CRK: variants seen among roughly 807,000 people sequenced by gnomAD.
CRK encodes the protein adapter molecule crk.
Under a neutral mutation model 29.8 loss-of-function variants are expected in CRK, and 4 were observed. That is an observed-to-expected ratio of 0.13 (90% CI 0.07 to 0.31). The LOEUF (loss-of-function observed/expected upper bound fraction) is 0.31, where lower values mean the gene tolerates loss of function less well. Among genes scored for constraint, CRK ranks in the 10% least tolerant of loss-of-function variants. The pLI is 1.00. For synonymous variants in CRK, 153 were observed against 164.9 expected, an observed-to-expected ratio of 0.93 and a Z score of 0.55; for missense variants, 274 against 396.5, an observed-to-expected ratio of 0.69 and a Z score of 2.62.
chr17:1,421,243 T>C lies in CRK; in HGVS notation c.*2270A>G, dbSNP rs2073721503. 1 of 151,916 alleles carries C rather than the reference T, an allele frequency of 6.6e-6. No individual in the cohort carries two copies. The highest frequency in any genetic ancestry group is 1.5e-5 in the Non-Finnish European group (1 of 68,006). The allele number at this position is 151,916 out of a possible 1,614,324, so 9.4% of individuals were successfully genotyped here. A position where few individuals can be genotyped will look rare whatever the true frequency, so the allele number is the denominator to read the frequency against. Reference sequence around the variant, plus strand: ...TGAGTAGCGCTGCCTGTTCCACTGATATTACATATGATGAAAAGAGACATT... The same window carrying C: ...TGAGTAGCGCTGCCTGTTCCACTGACATTACATATGATGAAAAGAGACATT... On this transcript the variant is annotated 3_prime_UTR_variant, in exon 3 of 3. Coordinates refer to ENST00000300574, the MANE Select transcript of CRK (RefSeq NM_016823.4).
At position 1,420,999 on chromosome 17, in the gene CRK, T is replaced by G. The variant is rs1013004051; in HGVS notation, c.*2514A>C. Reference sequence around the variant, plus strand: ...AATTAACCATGTCAAATATTAGTATTCAAAAAATGGGATTTGCAGAAATGA... The same window carrying G: ...AATTAACCATGTCAAATATTAGTATGCAAAAAATGGGATTTGCAGAAATGA... On this transcript the variant is annotated 3_prime_UTR_variant, in exon 3 of 3. Transcript: ENST00000300574. 1 of 152,210 alleles carries G rather than the reference T, an allele frequency of 6.6e-6. No homozygotes were observed. The highest frequency in any genetic ancestry group is 2.4e-5 in the African/African-American group (1 of 41,454). 9.4% of individuals were successfully genotyped at this position (152,210 alleles called of 1,614,324 possible). A position where few individuals can be genotyped will look rare whatever the true frequency, so the allele number is the denominator to read the frequency against.
Position 1,427,072 on chromosome 17 carries a change from A to AAAAAAAAAAAAAAG in CRK, c.778-3423_778-3422insCTTTTTTTTTTTTT, listed in dbSNP as rs778793991. On this transcript the variant is annotated intron_variant, in intron 2 of 2. Transcript: ENST00000300574. ...AAAAAAAAAAAAAAAAAAAAAAAAA[A>AAAAAAAAAAAAAAG]GATTCTGACATGCCCCAGCCAGGCT... Among the ~76,000 whole-genome samples, 17 of 92,074 alleles carry AAAAAAAAAAAAAAG rather than the reference A, an allele frequency of 1.8e-4. 3 individuals are homozygous for AAAAAAAAAAAAAAG. Among genetic ancestry groups the AAAAAAAAAAAAAAG allele is most frequent in the Non-Finnish European group, 2.9e-4 (14 of 47,912 alleles). 60.4% of individuals were successfully genotyped at this position (92,074 alleles called of 152,430 possible).
Position 1,423,745 on chromosome 17 carries a change from C to T in CRK, c.778-95G>A, listed in dbSNP as rs57987021. On this transcript the variant is annotated intron_variant, in intron 2 of 2. Transcript: ENST00000300574. Reference sequence around the variant, plus strand: ...GGTTAGGCACACCCTGCCCATGTGACTGCTCTAGGGATATTACAGAAATGG... The same window carrying T: ...GGTTAGGCACACCCTGCCCATGTGATTGCTCTAGGGATATTACAGAAATGG... 8,503 of 1,504,998 alleles carry T rather than the reference C, an allele frequency of 5.6e-3. 390 individuals are homozygous for T. The African/African-American group carries it at 0.1, about 18-fold the overall frequency. 93.2% of individuals were successfully genotyped at this position (1,504,998 alleles called of 1,614,324 possible).
At chr17:1,431,835 C>G (rs1010810916) in intron 2 of CRK, among the ~76,000 whole-genome samples, 2 of 152,098 alleles carry the variant, frequency 1.3e-5, no homozygotes, top group Non-Finnish European at 2.9e-5. Flanking sequence ...AGTGCTTGCC[C>G]CAGAACTGTT....
intron 1 of CRK, among the ~76,000 whole-genome samples, chr17:1,444,831 C>T (rs1186851256): frequency 1.2e-5 from 1 of 84,172 alleles, no homozygotes; most frequent in Non-Finnish European, 2.3e-5. Context: ...AGAACTCCAT[C>T]TCAAAAGAAA....
rs745777068 is a variant in CRK at position 1,436,814 on chromosome 17, C to T, written c.583G>A (p.Ala195Thr). Residue 195 changes from alanine to threonine, a missense_variant, in exon 2 of 3, where the codon GCC becomes ACC. Ala to Thr is a moderately conservative substitution (Grantham distance 58, BLOSUM62 0). Transcript: ENST00000300574. ...CCTCCAATCAGAGCCGATACTGAGG[C>T]GGAGGCAGGTCTATACTTCTCGACG... ...PYVEKYRPAS[A>T]SVSALIGGNQ... The T allele has an allele frequency of 1.0e-5, 16 of 1,582,522 alleles. No homozygotes were observed. Among genetic ancestry groups the T allele is most frequent in the Admixed American group, 5.4e-5 (3 of 55,660 alleles).
At chr17:1,436,042 T>C (rs2073883838) in intron 2 of CRK, among the ~76,000 whole-genome samples, 1 of 152,176 alleles carries the variant, frequency 6.6e-6, no homozygotes, top group African/African-American at 2.4e-5. Context: ...AGAACTGGCT[T>C]TTTGAATGAT....
chr17:1,444,814 CA>C, intron 1 of CRK, among the ~76,000 whole-genome samples: 1 of 132,504 alleles, frequency 7.5e-6, no homozygotes, highest in South Asian at 2.4e-4. Context: ...GCCTGGGCAA[CA>C]AGAGCAGAAC....
At chr17:1,445,420 G>A (rs1417993168) in intron 1 of CRK, among the ~76,000 whole-genome samples, 1 of 152,216 alleles carries the variant, frequency 6.6e-6, no homozygotes, top group Non-Finnish European at 1.5e-5. Flanking sequence ...TGAAAGGGGT[G>A]CGAGTGCCAG....
chr17:1,425,336 C>T (rs952572796), intron 2 of CRK, among the ~76,000 whole-genome samples: 2 of 152,020 alleles, frequency 1.3e-5, no homozygotes, highest in African/African-American at 2.4e-5. Context: ...TCGTGATCCG[C>T]CCGCCTCGGC....
rs56071119 is a variant in CRK, at chr17:1,433,825, GTTTTT to G, written c.777+2790_777+2794del. On this transcript the variant is annotated intron_variant, in intron 2 of 2. Coordinates refer to ENST00000300574, the MANE Select transcript of CRK (RefSeq NM_016823.4). ...TGAGCCACCGCACCCAGCATGTATG[GTTTTT>G]TTTTTTTTTTTTTTTTTAGATCACC... is the stretch of plus-strand genomic sequence containing the variant. Among the ~76,000 whole-genome samples the G allele has an allele frequency of 4.1e-3, 519 of 127,318 alleles. 2 individuals carry two copies. The highest frequency in any genetic ancestry group is 5.8e-3 in the Non-Finnish European group (358 of 61,990). The allele number at this position is 127,318 out of a possible 152,430, so 83.5% of individuals were successfully genotyped here. A position where few individuals can be genotyped will look rare whatever the true frequency, so the allele number is the denominator to read the frequency against.
intron 1 of CRK, among the ~76,000 whole-genome samples, chr17:1,448,191 G>A (rs2073989646): frequency 6.6e-6 from 1 of 152,058 alleles, no homozygotes; most frequent in Admixed American, 6.6e-5. Flanking sequence ...TCTAAAGATG[G>A]TGGGTATGAG....
At chr17:1,443,979 C>T (rs2073954965) in intron 1 of CRK, among the ~76,000 whole-genome samples, 1 of 151,714 alleles carries the variant, frequency 6.6e-6, no homozygotes, top group South Asian at 2.1e-4. Context: ...GGATTACAGG[C>T]GTGAGCCACC....
intron 2 of CRK, 90 bp from the exon 3 acceptor site, chr17:1,423,740 T>C: frequency 6.6e-7 from 1 of 1,522,132 alleles, no homozygotes; most frequent in Non-Finnish European, 9.0e-7. Context: ...ACCCTGCCCA[T>C]GTGACTGCTC....
chr17:1,454,829 C>G (rs11657524), intron 1 of CRK, among the ~76,000 whole-genome samples: 81,440 of 151,942 alleles, frequency 0.54, 22,742 homozygotes, highest in South Asian at 0.64. Flanking sequence ...GGGCATCTAT[C>G]TATTCCCTTA....
chr17:1,444,695 G>T (rs1347889975), intron 1 of CRK, among the ~76,000 whole-genome samples: 1 of 151,622 alleles, frequency 6.6e-6, no homozygotes, highest in African/African-American at 2.4e-5. Context: ...TTAGCCAGGC[G>T]TGAGTCTCAT....
chr17:1,448,008 A>G (rs1452716577), intron 1 of CRK, among the ~76,000 whole-genome samples: 1 of 151,954 alleles, frequency 6.6e-6, no homozygotes, highest in African/African-American at 2.4e-5. Context: ...ACCCACCAAT[A>G]CAAAACGCTA....
chr17:1,431,574 A>G (rs2073845584), intron 2 of CRK, among the ~76,000 whole-genome samples: 1 of 152,016 alleles, frequency 6.6e-6, no homozygotes, highest in Non-Finnish European at 1.5e-5. Flanking sequence ...ACAAAAGAAA[A>G]AAAAAAGAAA....
chr17:1,430,536 T>TC (rs2073832743), intron 2 of CRK, among the ~76,000 whole-genome samples: 1 of 149,680 alleles, frequency 6.7e-6, no homozygotes, highest in Non-Finnish European at 1.5e-5. Flanking sequence ...TTTTGTATTT[T>TC]TTTTTTTTTT....
Sources: allele counts gnomAD v4.1 joint callset (sites outside exome capture counted in the v4.1 genomes callset), GRCh38; gene constraint gnomAD v4.1.1; transcripts MANE v1.5; gene names NCBI Gene and HGNC (gene_info 2026-07-23, HGNC 2026-07-21).